ITGA9: variants seen among roughly 807,000 people sequenced by gnomAD.
ITGA9 encodes the protein integrin alpha-9.
A neutral mutation model predicts 127.8 loss-of-function variants in ITGA9; 56 were observed. That is an observed-to-expected ratio of 0.44 (90% CI 0.35 to 0.55). ITGA9 has a LOEUF of 0.55. ITGA9 is among the 20% of genes least tolerant of loss of function. The probability of loss-of-function intolerance (pLI) is 0.00; values close to 1 mark genes in which losing one functional copy is unlikely to be tolerated. For missense variants in ITGA9, 1,196 were observed against 1,347.1 expected (o/e 0.89, Z 1.76); for synonymous variants, 508 against 514.5 (o/e 0.99, Z 0.17).
intron 3 of ITGA9, among the ~76,000 whole-genome samples, chr3:37,477,425 C>G (rs573215107): frequency 6.6e-6 from 1 of 152,130 alleles, no homozygotes; most frequent in African/African-American, 2.4e-5. Context: ...GACCATGGAC[C>G]CAGCAACCAG....
chr3:37,465,999 C>T (rs1698365962), intron 1 of ITGA9, among the ~76,000 whole-genome samples: 2 of 152,100 alleles, frequency 1.3e-5, no homozygotes, highest in African/African-American at 4.8e-5. Context: ...CCATCTTAAC[C>T]TCCTCTGGCC....
chr3:37,490,975 C>CCCCCCT (rs548395527), intron 4 of ITGA9, among the ~76,000 whole-genome samples: 4 of 105,102 alleles, frequency 3.8e-5, no homozygotes, highest in African/African-American at 7.2e-5. Context: ...TTCCCCCCCG[C>CCCCCCT]TTTTTTTTTT....
At chr3:37,519,106 C>G in intron 10 of ITGA9, among the ~76,000 whole-genome samples, 154 bp from the exon 11 acceptor site, 1 of 148,484 alleles carries the variant, frequency 6.7e-6, no homozygotes, top group South Asian at 2.1e-4. Context: ...TTTTTTTTCC[C>G]GCTGAGGGAT....
intron 15 of ITGA9, among the ~76,000 whole-genome samples, chr3:37,623,047 A>G (rs1025230571): frequency 2.0e-5 from 3 of 151,948 alleles, no homozygotes; most frequent in Admixed American, 1.3e-4. Context: ...GATATTTCCT[A>G]TTGAGAGAAT....
chr3:37,690,043 A>G (rs1314957422), intron 18 of ITGA9, among the ~76,000 whole-genome samples: 1 of 152,244 alleles, frequency 6.6e-6, no homozygotes, highest in African/African-American at 2.4e-5. Flanking sequence ...GACAAGGTGA[A>G]GCAAGTCATT....
chr3:37,456,286 G>C (rs1390827553), intron 1 of ITGA9, among the ~76,000 whole-genome samples: 1 of 152,098 alleles, frequency 6.6e-6, no homozygotes, highest in Admixed American at 6.5e-5. Context: ...ATAACACCCA[G>C]AGTGTCTGCC....
intron 18 of ITGA9, among the ~76,000 whole-genome samples, chr3:37,714,684 T>C (rs1701115733): frequency 6.6e-6 from 1 of 152,222 alleles, no homozygotes; most frequent in Non-Finnish European, 1.5e-5. Flanking sequence ...AGCTGGGGCC[T>C]GGTCAGAAAA....
chr3:37,558,174 C>G (rs1181150787), intron 15 of ITGA9, among the ~76,000 whole-genome samples: 1 of 152,196 alleles, frequency 6.6e-6, no homozygotes, highest in African/African-American at 2.4e-5. Flanking sequence ...GTCCTGGGGA[C>G]TGGAGGTTCT....
intron 18 of ITGA9, among the ~76,000 whole-genome samples, chr3:37,714,750 C>T (rs1701116554): frequency 1.3e-5 from 2 of 152,204 alleles, no homozygotes; most frequent in South Asian, 4.1e-4. Context: ...GTAGTCCCAG[C>T]AGTCTGTGTT....
At chr3:37,456,280 C>T (rs1396243756) in intron 1 of ITGA9, among the ~76,000 whole-genome samples, 3 of 152,160 alleles carry the variant, frequency 2.0e-5, no homozygotes, top group African/African-American at 4.8e-5. Flanking sequence ...TTTCTAATAA[C>T]ACCCAGAGTG....
chr3:37,523,600 A>G lies in ITGA9; in HGVS notation c.1316A>G (p.Asn439Ser). ...SISGGIDMDG[N>S]GYPDVTVGAF... is the part of the protein sequence containing the mutation. ...TCGGGAGGCATTGATATGGATGGAA[A>G]TGGCTATCCTGGTAAGCTGTTTTTC... The change falls in exon 12 of 28, where the codon AAT becomes AGT. Residue 439 changes from asparagine to serine, a missense_variant. Coordinates refer to ENST00000264741, the MANE Select transcript of ITGA9 (RefSeq NM_002207.3). The G allele has an allele frequency of 1.2e-6, 2 of 1,612,006 alleles. No homozygotes were observed. The highest frequency in any genetic ancestry group is 1.7e-6 in the Non-Finnish European group (2 of 1,178,136).
intron 17 of ITGA9, among the ~76,000 whole-genome samples, chr3:37,678,905 G>A (rs891875622): frequency 2.6e-5 from 4 of 152,262 alleles, no homozygotes; most frequent in Admixed American, 6.5e-5. Flanking sequence ...TGACACAGCT[G>A]CCAAGATGTC....
intron 4 of ITGA9, among the ~76,000 whole-genome samples, chr3:37,490,831 A>G (rs1698662481): frequency 6.6e-6 from 1 of 152,214 alleles, no homozygotes; most frequent in South Asian, 2.1e-4. Context: ...GACTTAATGA[A>G]TTAAAGCATG....
intron 15 of ITGA9, among the ~76,000 whole-genome samples, chr3:37,548,096 A>G (rs1398863281): frequency 2.7e-5 from 4 of 149,840 alleles, no homozygotes; most frequent in Admixed American, 2.6e-4. Flanking sequence ...ATCTAGCTGT[A>G]CCAGATGAAA....
At chr3:37,714,781 G>A (rs1355376705) in intron 18 of ITGA9, among the ~76,000 whole-genome samples, 2 of 152,174 alleles carry the variant, frequency 1.3e-5, no homozygotes, top group Admixed American at 6.5e-5. Flanking sequence ...TCCATGACTC[G>A]AATGTGTGCC....
At chr3:37,477,399 C>A (rs1239537992) in intron 3 of ITGA9, among the ~76,000 whole-genome samples, 3 of 152,260 alleles carry the variant, frequency 2.0e-5, no homozygotes, top group South Asian at 4.1e-4. Context: ...GTCTCAGTGA[C>A]CAAAGGCATT....
intron 16 of ITGA9, among the ~76,000 whole-genome samples, chr3:37,632,952 A>G (rs1301682191): frequency 6.6e-6 from 1 of 152,202 alleles, no homozygotes; most frequent in Non-Finnish European, 1.5e-5. Flanking sequence ...TTACCTCCCT[A>G]GTAACTCTTC....
chr3:37,799,616 G>A lies in ITGA9; in HGVS notation c.2890-4207G>A, dbSNP rs1406554980. Among the ~76,000 whole-genome samples the A allele has an allele frequency of 1.3e-5, 2 of 152,168 alleles. No homozygotes were observed. Among genetic ancestry groups the A allele is most frequent in the Non-Finnish European group, 2.9e-5 (2 of 68,028 alleles). ...AAGGCCCTGGTGTCCTGAATTAGATGCTCAGCCTAAAGGAAAGTCATGGAT... is the reference window on the plus strand; with the variant it reads ...AAGGCCCTGGTGTCCTGAATTAGATACTCAGCCTAAAGGAAAGTCATGGAT... On this transcript the variant is annotated intron_variant, in intron 26 of 27. Transcript: ENST00000264741. The surrounding 1 kb of genome is among the most constrained non-coding windows in gnomAD (Gnocchi z 4.0).
intron 1 of ITGA9, among the ~76,000 whole-genome samples, chr3:37,468,205 G>A (rs1452099054): frequency 2.6e-5 from 4 of 151,972 alleles, no homozygotes; most frequent in African/African-American, 4.8e-5. Flanking sequence ...TTGAGGAGCC[G>A]CAGGGCAGCC....
Sources: allele counts gnomAD v4.1 joint callset (sites outside exome capture counted in the v4.1 genomes callset), GRCh38; gene constraint gnomAD v4.1.1; non-coding constraint Gnocchi (gnomAD v3.1); transcripts MANE v1.5; gene names NCBI Gene and HGNC (gene_info 2026-07-23, HGNC 2026-07-21).